LAMA4: variants seen among roughly 807,000 people sequenced by gnomAD.
LAMA4 encodes laminin subunit alpha 4.
Under a neutral mutation model 207.1 loss-of-function variants are expected in LAMA4, and 127 were observed. The ratio of observed to expected loss-of-function variants is 0.61; its 90% CI spans 0.53 to 0.71. The LOEUF (loss-of-function observed/expected upper bound fraction) is 0.71, where lower values mean the gene tolerates loss of function less well. Ranked by LOEUF, LAMA4 falls within the 30% of genes least tolerant of loss-of-function variation. LAMA4 has a pLI of 0.00. For missense variants in LAMA4, 2,093 were observed against 2,246.5 expected (o/e 0.93, Z 1.38); for synonymous variants, 761 against 816.0 (o/e 0.93, Z 1.15).
chr6:112,168,010 A>T (rs1233665069), intron 12 of LAMA4, among the ~76,000 whole-genome samples: 1 of 152,048 alleles, frequency 6.6e-6, no homozygotes, highest in African/African-American at 2.4e-5. Context: ...GATGGAGACC[A>T]TCCTGGTGAA....
chr6:112,127,906 A>T (rs1159602417), intron 31 of LAMA4, among the ~76,000 whole-genome samples: 1 of 152,164 alleles, frequency 6.6e-6, no homozygotes, highest in Non-Finnish European at 1.5e-5. Context: ...CAAATAATGT[A>T]CACAGTTGAA....
intron 2 of LAMA4, among the ~76,000 whole-genome samples, chr6:112,238,585 T>C (rs1262299222): frequency 1.3e-5 from 2 of 152,056 alleles, no homozygotes; most frequent in Non-Finnish European, 2.9e-5. Context: ...TGGGCACCTG[T>C]AGTCCCAGCT....
At chr6:112,181,877 T>A (rs1311024240) in intron 9 of LAMA4, among the ~76,000 whole-genome samples, 4 of 151,998 alleles carry the variant, frequency 2.6e-5, no homozygotes, top group Non-Finnish European at 5.9e-5. Flanking sequence ...GGCGGGTGGA[T>A]CACGAGGTCA....
chr6:112,110,018 C>T (rs1554321121), intron 38 of LAMA4, among the ~76,000 whole-genome samples: 3 of 152,294 alleles, frequency 2.0e-5, no homozygotes, highest in East Asian at 3.9e-4. Context: ...ATTCATTACC[C>T]TTCACCCTTA....
At chr6:112,195,271 G>A (rs576584734) in intron 5 of LAMA4, among the ~76,000 whole-genome samples, 10 of 152,272 alleles carry the variant, frequency 6.6e-5, no homozygotes, top group Admixed American at 6.5e-5. Flanking sequence ...TAGGTGCTAT[G>A]TAAATGCTCT....
At chr6:112,233,113 C>G (rs1390179487) in intron 2 of LAMA4, among the ~76,000 whole-genome samples, 2 of 152,206 alleles carry the variant, frequency 1.3e-5, no homozygotes, top group Non-Finnish European at 2.9e-5. Flanking sequence ...GCACGGAGCT[C>G]CTGGAATGAG....
chr6:112,135,191 A>G lies in LAMA4; in HGVS notation c.3415-582T>C, dbSNP rs73766937. ...AATAAATTTTAAATTAGTTTTAACT[A>G]TAGGCTCCATGCTGTACAGCAGATT... On this transcript the variant is annotated intron_variant, in intron 25 of 38. Transcript: ENST00000230538. 8.3e-3 allele frequency among the ~76,000 whole-genome samples: 1,263 copies of G among 152,300 alleles called. 18 individuals carry two copies. Among genetic ancestry groups the G allele is most frequent in the African/African-American group, 0.029 (1,210 of 41,560 alleles).
intron 5 of LAMA4, among the ~76,000 whole-genome samples, chr6:112,192,161 C>T (rs1554349297): frequency 6.6e-6 from 1 of 152,158 alleles, no homozygotes; most frequent in East Asian, 1.9e-4. Context: ...ATGGGTGGGA[C>T]CAGATATGCC....
At chr6:112,200,630 C>G (rs1249153163) in intron 5 of LAMA4, among the ~76,000 whole-genome samples, 2 of 152,148 alleles carry the variant, frequency 1.3e-5, no homozygotes, top group Non-Finnish European at 2.9e-5. Context: ...TTGGAACCAA[C>G]CCAAATGCCC....
Position 112,131,011 on chromosome 6 carries a change from CATT to C in LAMA4, c.3922_3924del (p.Asn1308del). On this transcript the variant is annotated inframe_deletion, in exon 29 of 39. Coordinates refer to ENST00000230538, the MANE Select transcript of LAMA4 (RefSeq NM_001105206.3). ...CTAATGACGAAGTGGGACAGCCCATCATTGTACTGCTTATCTACTGACTGAACT... is the reference window on the plus strand; with the variant it reads ...CTAATGACGAAGTGGGACAGCCCATCGTACTGCTTATCTACTGACTGAACT... The C allele has an allele frequency of 6.2e-7, 1 of 1,613,184 alleles. No homozygotes were observed.
At chr6:112,167,300 G>T (rs879997485) in intron 12 of LAMA4, among the ~76,000 whole-genome samples, 3 of 152,212 alleles carry the variant, frequency 2.0e-5, no homozygotes, top group Non-Finnish European at 4.4e-5. Context: ...TACTTGGGAG[G>T]CTGAGGCAAC....
At chr6:112,132,445 A>C (rs2114653998) in intron 28 of LAMA4, among the ~76,000 whole-genome samples, 1 of 152,280 alleles carries the variant, frequency 6.6e-6, no homozygotes, top group Admixed American at 6.5e-5. Context: ...TAGAGTCATA[A>C]TCAAAGAAAA....
intron 9 of LAMA4, among the ~76,000 whole-genome samples, chr6:112,180,703 G>T (rs1257448267): frequency 1.3e-5 from 2 of 152,096 alleles, no homozygotes; most frequent in Admixed American, 1.3e-4. Flanking sequence ...AATATCTAGG[G>T]TGATCATATA....
At chr6:112,171,145 A>C (rs1305122990) in intron 12 of LAMA4, among the ~76,000 whole-genome samples, 2 of 152,072 alleles carry the variant, frequency 1.3e-5, no homozygotes, top group African/African-American at 2.4e-5. Flanking sequence ...TGATGAAACC[A>C]CACCTTACTA....
At position 112,118,703 on chromosome 6, in the gene LAMA4, T is replaced by TTGTGTG. The variant is rs1157564735; in HGVS notation, c.4821+447_4821+452dup. 1.6e-5 allele frequency among the ~76,000 whole-genome samples: 2 copies of TTGTGTG among 124,868 alleles called. No homozygotes were observed. Among genetic ancestry groups the TTGTGTG allele is most frequent in the African/African-American group, 3.1e-5 (1 of 32,682 alleles). 81.9% of individuals were successfully genotyped at this position (124,868 alleles called of 152,430 possible). A position where few individuals can be genotyped will look rare whatever the true frequency, so the allele number is the denominator to read the frequency against. On this transcript the variant is annotated intron_variant, in intron 34 of 38. Coordinates refer to ENST00000230538, the MANE Select transcript of LAMA4 (RefSeq NM_001105206.3). The surrounding 1 kb of genome is among the most constrained non-coding windows in gnomAD (Gnocchi z 4.6). The stretch of plus-strand genomic sequence containing the variant: ...CCACATTTCCTTATACATTTACAAA[T>TTGTGTG]TGTGTGTGTGTGTGTGTATGTGTGT...
rs114781337 is a variant in LAMA4, at chr6:112,134,335, G to A, written c.3557+132C>T. Reference sequence around the variant, plus strand: ...GCAGAGGGCCTGAAGGTACATGAATGTGTGTACCTGTGCCTGTCCCTGTGT... The same window carrying A: ...GCAGAGGGCCTGAAGGTACATGAATATGTGTACCTGTGCCTGTCCCTGTGT... On this transcript the variant is annotated intron_variant, in intron 26 of 38. Transcript: ENST00000230538. 1,564 of 813,784 alleles carry A rather than the reference G, an allele frequency of 1.9e-3. 14 individuals are homozygous for A. The African/African-American group carries it at 0.024, about 13-fold the overall frequency. 50.4% of individuals were successfully genotyped at this position (813,784 alleles called of 1,614,324 possible). A position where few individuals can be genotyped will look rare whatever the true frequency, so the allele number is the denominator to read the frequency against.
intron 10 of LAMA4, 81 bp from the exon 11 acceptor site, chr6:112,175,561 G>A: frequency 7.3e-7 from 1 of 1,373,648 alleles, no homozygotes; most frequent in South Asian, 1.2e-5. Flanking sequence ...AGGGCTGTGG[G>A]CAAAGGGCAG....
intron 3 of LAMA4, among the ~76,000 whole-genome samples, chr6:112,209,386 G>A (rs2115032954): frequency 6.6e-6 from 1 of 152,284 alleles, no homozygotes. Flanking sequence ...TTCTGCCATG[G>A]CAGCCATGGG....
intron 2 of LAMA4, among the ~76,000 whole-genome samples, chr6:112,250,907 A>T (rs1787400082): frequency 6.6e-6 from 1 of 152,106 alleles, no homozygotes; most frequent in Non-Finnish European, 1.5e-5. Flanking sequence ...GGTCAAGAAG[A>T]GTTTGGCCTA....
Sources: allele counts gnomAD v4.1 joint callset (sites outside exome capture counted in the v4.1 genomes callset), GRCh38; gene constraint gnomAD v4.1.1; non-coding constraint Gnocchi (gnomAD v3.1); transcripts MANE v1.5; gene names NCBI Gene and HGNC (gene_info 2026-07-23, HGNC 2026-07-21).